The following ZNF407 variants were observed in gnomAD, a reference collection of about 807,000 sequenced individuals.
The protein encoded by ZNF407 is zinc finger protein 407.
Under a neutral mutation model 131.2 loss-of-function variants are expected in ZNF407, and 17 were observed. That is an observed-to-expected ratio of 0.13 (90% CI 0.09 to 0.19). The LOEUF is 0.19. ZNF407 is among the 10% of genes least tolerant of loss of function. The pLI, the probability that ZNF407 is intolerant of heterozygous loss-of-function variation, is 1.00. For missense variants in ZNF407, 2,681 were observed against 2,830.6 expected, an observed-to-expected ratio of 0.95 and a Z score of 1.20; for synonymous variants, 1,156 against 1,062.0, an observed-to-expected ratio of 1.09 and a Z score of -1.72.
chr18:75,051,790 G>T (rs1339208651), intron 8 of ZNF407, among the ~76,000 whole-genome samples: 1 of 152,192 alleles, frequency 6.6e-6, no homozygotes, highest in Non-Finnish European at 1.5e-5. Context: ...TCGGTCATCA[G>T]GTAAGGAGCT....
Position 74,811,511 on chromosome 18 carries a change from A to G in ZNF407, c.4877+30009A>G, listed in dbSNP as rs1325217028. Reference sequence around the variant, plus strand: ...ACTAGAAATACCATTTGACCCAGCCATCCCATTACTGGGTATATACCCAAA... The same window carrying G: ...ACTAGAAATACCATTTGACCCAGCCGTCCCATTACTGGGTATATACCCAAA... On this transcript the variant is annotated intron_variant, in intron 4 of 8. Coordinates refer to ENST00000299687, the MANE Select transcript of ZNF407 (RefSeq NM_017757.3). Among the ~76,000 whole-genome samples, 12 of 152,316 alleles carry G rather than the reference A, an allele frequency of 7.9e-5. 1 individual carries two copies. In the South Asian group the frequency reaches 2.3e-3, roughly 29 times the overall value.
Position 75,063,481 on chromosome 18 carries a change from T to C in ZNF407, c.5760T>C (p.His1920=), listed in dbSNP as rs1053848679. The C allele has an allele frequency of 5.6e-6, 9 of 1,600,920 alleles. No homozygotes were observed. Among genetic ancestry groups the C allele is most frequent in the Non-Finnish European group, 6.8e-6 (8 of 1,175,350 alleles). ...QVIATSQSGA[H]VGSVVPGPIL... is the part of the protein sequence containing the mutation. Reference sequence around the variant, plus strand: ...TCGCCACGAGTCAGAGCGGGGCACATGTAGGCAGCGTGGTGCCCGGACCCA... The same window carrying C: ...TCGCCACGAGTCAGAGCGGGGCACACGTAGGCAGCGTGGTGCCCGGACCCA... The change falls in exon 9 of 9, where the codon CAT becomes CAC. Residue 1920 remains histidine (H), a synonymous_variant. Transcript: ENST00000299687. The surrounding 1 kb of genome is among the most constrained non-coding windows in gnomAD (Gnocchi z 6.6).
At chr18:75,027,950 G>A (rs980480588) in intron 8 of ZNF407, among the ~76,000 whole-genome samples, 4 of 152,170 alleles carry the variant, frequency 2.6e-5, no homozygotes, top group African/African-American at 9.7e-5. Context: ...ACACGCTGCT[G>A]CACTGTGCCG....
chr18:74,923,657 T>G (rs1310240244), intron 8 of ZNF407, among the ~76,000 whole-genome samples: 1 of 152,208 alleles, frequency 6.6e-6, no homozygotes, highest in Non-Finnish European at 1.5e-5. Flanking sequence ...AATTCTGTTA[T>G]TTTTGGCTTT....
intron 8 of ZNF407, among the ~76,000 whole-genome samples, chr18:75,040,775 G>GT (rs963384549): frequency 1.5e-4 from 23 of 151,424 alleles, no homozygotes; most frequent in African/African-American, 4.6e-4. Context: ...AATTCAGTAA[G>GT]TTTTTTTTTA....
intron 3 of ZNF407, among the ~76,000 whole-genome samples, chr18:74,723,980 G>A (rs492207): frequency 0.79 from 118,902 of 151,412 alleles, 46,845 homozygotes; most frequent in East Asian, 0.89. Flanking sequence ...TCATTACTTC[G>A]TACCAGAAAT....
chr18:74,767,339 C>T (rs550258823), intron 3 of ZNF407, among the ~76,000 whole-genome samples: 2 of 152,272 alleles, frequency 1.3e-5, no homozygotes, highest in South Asian at 4.1e-4. Context: ...TTCTGCATCT[C>T]GCCAATGTTG....
intron 3 of ZNF407, among the ~76,000 whole-genome samples, chr18:74,669,903 A>G (rs1986075739): frequency 6.6e-6 from 1 of 152,250 alleles, no homozygotes; most frequent in Admixed American, 6.5e-5. Context: ...CACAGTTTTT[A>G]GATAATTTAA....
chr18:74,746,328 A>G (rs1318109377), intron 3 of ZNF407, among the ~76,000 whole-genome samples: 2 of 152,130 alleles, frequency 1.3e-5, no homozygotes, highest in Admixed American at 1.3e-4. Flanking sequence ...TGTAGATTTT[A>G]TCAACACTGT....
chr18:74,873,272 T>C (rs1238803014), intron 4 of ZNF407, among the ~76,000 whole-genome samples: 10 of 152,222 alleles, frequency 6.6e-5, no homozygotes, highest in Admixed American at 3.9e-4. Context: ...TGAGGATATT[T>C]AGTATTCTGT....
rs545998586 is a variant in ZNF407 at position 74,911,541 on chromosome 18, T to G, written c.5250-8973T>G. Among the ~76,000 whole-genome samples the G allele has an allele frequency of 2.6e-5, 4 of 152,334 alleles. No individual in the cohort carries two copies. In the South Asian group the frequency reaches 8.3e-4, roughly 32 times the overall value. ...GTGTCATAATTCAACTGTTTTGTGT[T>G]GTTGTTTTTTTAAAAGAAGTGTTTT... On this transcript the variant is annotated intron_variant, in intron 7 of 8. Transcript: ENST00000299687.
chr18:74,909,014 A>G (rs901946085), intron 7 of ZNF407, among the ~76,000 whole-genome samples: 1 of 151,156 alleles, frequency 6.6e-6, no homozygotes, highest in African/African-American at 2.4e-5. Flanking sequence ...TCATATTACA[A>G]AGATACAGTA....
At chr18:74,651,462 A>G (rs1172303819) in intron 3 of ZNF407, among the ~76,000 whole-genome samples, 1 of 152,156 alleles carries the variant, frequency 6.6e-6, no homozygotes, top group Admixed American at 6.5e-5. Context: ...GAGGCCGATA[A>G]TTTGCCTGTA....
At chr18:74,616,541 C>G (rs1334631990) in intron 1 of ZNF407, among the ~76,000 whole-genome samples, 1 of 151,716 alleles carries the variant, frequency 6.6e-6, no homozygotes, top group Non-Finnish European at 1.5e-5. Context: ...CTCCCTCCAC[C>G]CCTGTACCCG....
At chr18:74,845,188 T>C (rs1346180324) in intron 4 of ZNF407, among the ~76,000 whole-genome samples, 1 of 152,216 alleles carries the variant, frequency 6.6e-6, no homozygotes, top group African/African-American at 2.4e-5. Flanking sequence ...AATTAAAATT[T>C]ATAATAATTG....
At chr18:74,696,950 ACAT>A (rs1967373362) in intron 3 of ZNF407, among the ~76,000 whole-genome samples, 1 of 152,212 alleles carries the variant, frequency 6.6e-6, no homozygotes, top group African/African-American at 2.4e-5. Context: ...CAGTTAGAAA[ACAT>A]CATATTGAAT....
chr18:74,679,160 T>C (rs1966923175), intron 3 of ZNF407, among the ~76,000 whole-genome samples: 1 of 152,228 alleles, frequency 6.6e-6, no homozygotes, highest in African/African-American at 2.4e-5. Flanking sequence ...AAAATTGTAT[T>C]AGAACCAAGG....
intron 3 of ZNF407, among the ~76,000 whole-genome samples, chr18:74,649,315 A>G (rs567213079): frequency 2.6e-4 from 39 of 152,330 alleles, no homozygotes; most frequent in African/African-American, 8.7e-4. Context: ...GAAAATTCTT[A>G]TAAAATCTGG....
chr18:74,977,152 C>T (rs1305736353), intron 8 of ZNF407, among the ~76,000 whole-genome samples: 1 of 152,236 alleles, frequency 6.6e-6, no homozygotes, highest in Non-Finnish European at 1.5e-5. Context: ...TGCTGATGGT[C>T]TGGATAATAC....
Sources: gnomAD v4.1 joint callset for allele counts (sites outside exome capture counted in the v4.1 genomes callset) on GRCh38, gnomAD v4.1.1 for gene constraint, Gnocchi (gnomAD v3.1) non-coding constraint, MANE v1.5 for transcripts, NCBI Gene and HGNC (gene_info 2026-07-23, HGNC 2026-07-21) for gene names.